MAGI1: variants seen among roughly 807,000 people sequenced by gnomAD.
MAGI1 encodes the protein membrane associated guanylate kinase, WW and PDZ domain containing 1, also known as membrane-associated guanylate kinase, WW and PDZ domain-containing protein 1.
In MAGI1, 58 loss-of-function variants were observed where a neutral mutation model predicts 139.9. That is an observed-to-expected ratio of 0.41 (90% CI 0.34 to 0.52). MAGI1 has a LOEUF of 0.52. Among genes scored for constraint, MAGI1 ranks in the 20% least tolerant of loss-of-function variants. MAGI1 has a pLI of 0.12. For missense variants in MAGI1, 1,874 were observed against 1,901.6 expected (o/e 0.99, Z 0.27); for synonymous variants, 812 against 737.9 (o/e 1.10, Z -1.63).
At chr3:66,032,082 C>T (rs2068631969) in intron 1 of MAGI1, among the ~76,000 whole-genome samples, 1 of 152,130 alleles carries the variant, frequency 6.6e-6, no homozygotes, top group Admixed American at 6.5e-5. Flanking sequence ...CCTCTGGATC[C>T]TAAACAAGAA....
chr3:65,532,127 T>C (rs2078743311), intron 2 of MAGI1, among the ~76,000 whole-genome samples: 1 of 152,172 alleles, frequency 6.6e-6, no homozygotes, highest in Non-Finnish European at 1.5e-5. Flanking sequence ...TAGAGAAAAC[T>C]TTCTAAATCC....
intron 1 of MAGI1, among the ~76,000 whole-genome samples, chr3:65,771,628 TATA>T (rs1221369093): frequency 1.1e-4 from 17 of 152,366 alleles, no homozygotes; most frequent in African/African-American, 3.8e-4. Flanking sequence ...CTATTTAGCT[TATA>T]ATGTTTTATG....
At chr3:65,875,801 C>T (rs114136173) in intron 1 of MAGI1, among the ~76,000 whole-genome samples, 120 of 152,286 alleles carry the variant, frequency 7.9e-4, no homozygotes, top group African/African-American at 2.6e-3. Flanking sequence ...TCTTACTTCA[C>T]GCCACTGCTG....
At chr3:66,017,284 G>A (rs78099445) in intron 1 of MAGI1, among the ~76,000 whole-genome samples, 5,381 of 152,320 alleles carry the variant, frequency 0.035, 144 homozygotes, top group Middle Eastern at 0.054. Flanking sequence ...CGCGCAGGGC[G>A]CGGCTGCAGA....
intron 1 of MAGI1, among the ~76,000 whole-genome samples, chr3:65,984,063 G>A (rs147633411): frequency 3.9e-5 from 6 of 152,290 alleles, no homozygotes; most frequent in Non-Finnish European, 8.8e-5. Flanking sequence ...GGAGGCTAAG[G>A]CGGGTGGATC....
At chr3:65,721,330 G>A (rs2032994021) in intron 1 of MAGI1, among the ~76,000 whole-genome samples, 1 of 152,184 alleles carries the variant, frequency 6.6e-6, no homozygotes, top group African/African-American at 2.4e-5. Flanking sequence ...CTCTTCTGAG[G>A]CAGGGACTTC....
rs1466342657 is a variant in MAGI1, at chr3:65,478,699, G to T, written c.650C>A (p.Ser217Ter). 1 of 1,613,992 alleles carries T rather than the reference G, an allele frequency of 6.2e-7. No homozygotes were observed. Among genetic ancestry groups the T allele is most frequent in the Admixed American group, 1.7e-5 (1 of 59,982 alleles). The change falls in exon 4 of 23, where the codon TCG becomes TAG. Residue 217 changes from serine to a stop codon, truncating the protein, a stop_gained. Coordinates refer to ENST00000402939, the MANE Select transcript of MAGI1 (RefSeq NM_001033057.2). LOFTEE classifies it high-confidence loss of function. ...LHSLQSGSKQ[S>*]TPKRTKSYND... ...GTAGGACTTGGTTCGCTTCGGGGTC[G>T]ACTGCTTAGAGCCAGACTGAAGGCT...
chr3:65,389,016 G>C (rs1289462665), intron 14 of MAGI1, among the ~76,000 whole-genome samples: 2 of 151,320 alleles, frequency 1.3e-5, no homozygotes, highest in Non-Finnish European at 2.9e-5. Context: ...GCTAATTTTT[G>C]TATTTTTTAG....
At chr3:65,702,324 G>T (rs1188697742) in intron 1 of MAGI1, among the ~76,000 whole-genome samples, 1 of 152,096 alleles carries the variant, frequency 6.6e-6, no homozygotes, top group Non-Finnish European at 1.5e-5. Flanking sequence ...TAGTCATTAG[G>T]CAGAAAGAGT....
intron 2 of MAGI1, among the ~76,000 whole-genome samples, chr3:65,566,624 T>C (rs1439662555): frequency 6.6e-6 from 1 of 152,168 alleles, no homozygotes; most frequent in Non-Finnish European, 1.5e-5. Context: ...GGGTTTTTGT[T>C]TGTTTGTTTG....
At chr3:65,906,416 A>G (rs1389033219) in intron 1 of MAGI1, among the ~76,000 whole-genome samples, 2 of 152,198 alleles carry the variant, frequency 1.3e-5, no homozygotes, top group Admixed American at 1.3e-4. Flanking sequence ...GGGCTGAACC[A>G]CAGCAAGGGG....
chr3:65,673,404 A>T (rs1449578669), intron 1 of MAGI1, among the ~76,000 whole-genome samples: 1 of 152,174 alleles, frequency 6.6e-6, no homozygotes, highest in Non-Finnish European at 1.5e-5. Flanking sequence ...AACATGTATA[A>T]AATATTTATA....
Position 65,688,403 on chromosome 3 carries a change from G to A in MAGI1, c.314-66315C>T, listed in dbSNP as rs1018338863. On this transcript the variant is annotated intron_variant, in intron 1 of 22. Transcript: ENST00000402939. ...GTCATTAGAGAAAAAGGAAAGGGAG[G>A]AAGAAGAGAAGACAGAAGAACCACC... 38 of 542,870 alleles carry A rather than the reference G, an allele frequency of 7.0e-5. No homozygotes were observed. The East Asian group carries it at 1.5e-3, about 22-fold the overall frequency. 33.6% of individuals were successfully genotyped at this position (542,870 alleles called of 1,614,324 possible). A position where few individuals can be genotyped will look rare whatever the true frequency, so the allele number is the denominator to read the frequency against.
intron 1 of MAGI1, among the ~76,000 whole-genome samples, chr3:66,003,387 G>A (rs1199025538): frequency 2.6e-5 from 4 of 152,032 alleles, no homozygotes; most frequent in East Asian, 3.9e-4. Flanking sequence ...CATGCACGGT[G>A]GCTCATGCCT....
At chr3:65,506,735 G>A (rs1397714101) in intron 2 of MAGI1, among the ~76,000 whole-genome samples, 1 of 152,100 alleles carries the variant, frequency 6.6e-6, no homozygotes, top group African/African-American at 2.4e-5. Context: ...TGTTAACCAT[G>A]TTATTCTTCA....
intron 1 of MAGI1, among the ~76,000 whole-genome samples, chr3:65,900,558 C>T (rs1421197555): frequency 6.6e-6 from 1 of 152,132 alleles, no homozygotes; most frequent in Non-Finnish European, 1.5e-5. Context: ...CATATAAATA[C>T]TCACCATTTG....
intron 1 of MAGI1, among the ~76,000 whole-genome samples, chr3:65,879,170 C>CAG (rs138534620): frequency 0.028 from 4,208 of 152,128 alleles, 159 homozygotes; most frequent in East Asian, 0.12. Flanking sequence ...ATCAATGCAC[C>CAG]AGACTCGGCC....
chr3:65,894,592 G>A (rs750127542), intron 1 of MAGI1, among the ~76,000 whole-genome samples: 4 of 152,302 alleles, frequency 2.6e-5, no homozygotes, highest in African/African-American at 7.2e-5. Flanking sequence ...TTGAGGATTC[G>A]TGTAAGAAAA....
intron 1 of MAGI1, among the ~76,000 whole-genome samples, chr3:65,867,966 A>G (rs1484252224): frequency 6.6e-6 from 1 of 152,118 alleles, no homozygotes; most frequent in Non-Finnish European, 1.5e-5. Flanking sequence ...GTAACCACTG[A>G]TCTATCAGGA....
Sources: gnomAD v4.1 joint callset for allele counts (sites outside exome capture counted in the v4.1 genomes callset) on GRCh38, gnomAD v4.1.1 for gene constraint, MANE v1.5 for transcripts, NCBI Gene and HGNC (gene_info 2026-07-23, HGNC 2026-07-21) for gene names.